Variants in MYO5B observed in about 807,000 individuals in gnomAD.
The protein encoded by MYO5B is unconventional myosin-Vb.
In MYO5B, 143 loss-of-function variants were observed where a neutral mutation model predicts 229.3. That is an observed-to-expected ratio of 0.62 (90% CI 0.54 to 0.72). MYO5B has a LOEUF of 0.72. Ranked by LOEUF, MYO5B falls within the 30% of genes least tolerant of loss-of-function variation. The pLI is 0.00. For synonymous variants in MYO5B, 918 were observed against 885.2 expected, an observed-to-expected ratio of 1.04 and a Z score of -0.66; for missense variants, 2,321 against 2,331.0, an observed-to-expected ratio of 1.00 and a Z score of 0.09.
intron 27 of MYO5B, among the ~76,000 whole-genome samples, chr18:49,866,107 C>T (rs978052962): frequency 1.3e-5 from 2 of 152,186 alleles, no homozygotes; most frequent in African/African-American, 2.4e-5. Context: ...TTCGCTCTGT[C>T]GCCCAGGCTG....
At chr18:50,145,403 C>T (rs1265737611) in intron 1 of MYO5B, among the ~76,000 whole-genome samples, 2 of 146,828 alleles carry the variant, frequency 1.4e-5, no homozygotes, top group South Asian at 2.2e-4. Context: ...AGGAGAATGG[C>T]GTGAACCCGG....
intron 1 of MYO5B, chr18:50,097,168 T>C: frequency 2.2e-6 from 1 of 450,502 alleles, no homozygotes. Context: ...GCTGGTGTCT[T>C]CCCTGACTTT....
intron 1 of MYO5B, among the ~76,000 whole-genome samples, chr18:50,108,847 A>G (rs555960540): frequency 1.3e-5 from 2 of 152,334 alleles, no homozygotes; most frequent in South Asian, 2.1e-4. Context: ...CAAGTCTAAC[A>G]TGAGGCTATA....
chr18:49,836,299 TAAAGA>T (rs1481212224), intron 38 of MYO5B, among the ~76,000 whole-genome samples: 1 of 152,214 alleles, frequency 6.6e-6, no homozygotes, highest in African/African-American at 2.4e-5. Flanking sequence ...CAATTAGTTT[TAAAGA>T]AAAGGTTTTT....
At chr18:50,124,409 C>T (rs73430341) in intron 1 of MYO5B, among the ~76,000 whole-genome samples, 1 of 152,160 alleles carries the variant, frequency 6.6e-6, no homozygotes, top group Non-Finnish European at 1.5e-5. Flanking sequence ...TCCCATCACT[C>T]TCCTTCAACT....
chr18:50,047,294 CT>C (rs2030257718), intron 2 of MYO5B, among the ~76,000 whole-genome samples: 2 of 152,202 alleles, frequency 1.3e-5, no homozygotes, highest in African/African-American at 4.8e-5. Flanking sequence ...TGAACAGACA[CT>C]TCTCAAGAGA....
rs1568065550 is a variant in MYO5B, at chr18:50,001,219, C to A, written c.612+36G>T. The A allele has an allele frequency of 1.9e-6, 3 of 1,613,890 alleles. No homozygotes were observed. The South Asian group carries it at 3.3e-5, about 18-fold the overall frequency. On this transcript the variant is annotated intron_variant, in intron 5 of 39. Transcript: ENST00000285039. ...AGTCTTGCTGCCAGTGGGAGGAGCTCCAGCCAGGAAGGCCAGGACACCTAG... is the reference window on the plus strand; with the variant it reads ...AGTCTTGCTGCCAGTGGGAGGAGCTACAGCCAGGAAGGCCAGGACACCTAG...
At chr18:49,989,973 C>T (rs1008567692) in intron 7 of MYO5B, among the ~76,000 whole-genome samples, 9 of 152,200 alleles carry the variant, frequency 5.9e-5, no homozygotes, top group Non-Finnish European at 1.3e-4. Flanking sequence ...ATACTGCATC[C>T]ATATGGCTCT....
chr18:50,077,486 CACACACACACACACAA>C (rs1252486212), intron 1 of MYO5B, among the ~76,000 whole-genome samples: 4 of 120,242 alleles, frequency 3.3e-5, no homozygotes, highest in Non-Finnish European at 5.0e-5. Context: ...CAAGGCAAAA[CACACACACACACACAA>C]ACACACACAC....
At chr18:50,153,490 C>T (rs1205268277) in intron 1 of MYO5B, among the ~76,000 whole-genome samples, 1 of 152,102 alleles carries the variant, frequency 6.6e-6, no homozygotes, top group Non-Finnish European at 1.5e-5. Flanking sequence ...CTTGCTCTGT[C>T]ACCAGGCTGG....
Position 49,937,405 on chromosome 18 carries a change from C to A in MYO5B, c.1753-8G>T. ...GTCAGCCACTAGTGGGAACTAGAAA[C>A]AATCACAGGAAGAATGATGAAAGTG... On this transcript the variant is annotated splice_polypyrimidine_tract_variant and splice_region_variant and intron_variant, in intron 14 of 39. Transcript: ENST00000285039. 1 of 1,613,732 alleles carries A rather than the reference C, an allele frequency of 6.2e-7. No homozygotes were observed.
At chr18:50,057,417 A>T (rs896276451) in intron 1 of MYO5B, among the ~76,000 whole-genome samples, 1 of 152,232 alleles carries the variant, frequency 6.6e-6, no homozygotes, top group African/African-American at 2.4e-5. Context: ...ATGAGGAATA[A>T]CCAGAAAGGA....
chr18:49,994,713 C>A (rs899641439), intron 5 of MYO5B, among the ~76,000 whole-genome samples: 2 of 152,226 alleles, frequency 1.3e-5, no homozygotes, highest in Non-Finnish European at 2.9e-5. Flanking sequence ...CACCCACCAA[C>A]CTTGTCATCT....
At chr18:50,094,096 A>C (rs1301638636) in intron 1 of MYO5B, among the ~76,000 whole-genome samples, 1 of 152,236 alleles carries the variant, frequency 6.6e-6, no homozygotes, top group Non-Finnish European at 1.5e-5. Context: ...GTGAGATCCA[A>C]GAACCTTCTC....
intron 1 of MYO5B, among the ~76,000 whole-genome samples, chr18:50,123,828 A>T (rs1293368966): frequency 6.6e-6 from 1 of 152,188 alleles, no homozygotes; most frequent in Non-Finnish European, 1.5e-5. Flanking sequence ...TACACGTAAA[A>T]CACCAGACAA....
chr18:50,106,447 A>T (rs943030657), intron 1 of MYO5B, among the ~76,000 whole-genome samples: 1 of 152,152 alleles, frequency 6.6e-6, no homozygotes, highest in Non-Finnish European at 1.5e-5. Flanking sequence ...GGCCTTCATC[A>T]TCTGGCCCTG....
chr18:49,909,839 C>T (rs1293431841), intron 18 of MYO5B, among the ~76,000 whole-genome samples: 3 of 152,138 alleles, frequency 2.0e-5, no homozygotes, highest in Non-Finnish European at 4.4e-5. Flanking sequence ...GCAGAGGAAA[C>T]AGCATGTATT....
intron 17 of MYO5B, among the ~76,000 whole-genome samples, chr18:49,913,224 C>A (rs1432280340): frequency 6.6e-6 from 1 of 152,190 alleles, no homozygotes; most frequent in Non-Finnish European, 1.5e-5. Flanking sequence ...TTCCCCTTGG[C>A]CTCTGAAATG....
chr18:49,835,457 G>A, intron 38 of MYO5B, 33 bp from the exon 39 acceptor site: 1 of 1,386,968 alleles, frequency 7.2e-7, no homozygotes, highest in East Asian at 2.3e-5. Flanking sequence ...TTAGCACAGA[G>A]CTAAATGAAC....
Sources: allele counts gnomAD v4.1 joint callset (sites outside exome capture counted in the v4.1 genomes callset), GRCh38; gene constraint gnomAD v4.1.1; transcripts MANE v1.5; gene names NCBI Gene and HGNC (gene_info 2026-07-23, HGNC 2026-07-21).